Variants in RADX observed in about 807,000 individuals in gnomAD.
RADX encodes RPA-related protein RADX.
RADX carries 36 observed loss-of-function variants against 61.6 expected under a neutral mutation model. That is an observed-to-expected ratio of 0.58 (90% CI 0.45 to 0.77). The LOEUF (loss-of-function observed/expected upper bound fraction) is 0.77, where lower values mean the gene tolerates loss of function less well. Ranked by LOEUF, RADX falls within the 30% of genes least tolerant of loss-of-function variation. The pLI is 0.00. For missense variants in RADX, 497 were observed against 651.1 expected (o/e 0.76, Z 2.58); for synonymous variants, 272 against 237.9 (o/e 1.14, Z -1.32).
At chrX:106,660,837 C>T (rs1928071759) in intron 11 of RADX, among the ~76,000 whole-genome samples, 1 of 111,849 alleles carries the variant, frequency 8.9e-6, no homozygotes, top group Admixed American at 9.5e-5. Context: ...TCTCACACTG[C>T]TATAAATGAC....
At chrX:106,644,957 T>C (rs772901061) in intron 10 of RADX, among the ~76,000 whole-genome samples, 1 of 111,290 alleles carries the variant, frequency 9.0e-6, no homozygotes, top group Admixed American at 9.6e-5. Context: ...TTGTTATTGG[T>C]CTGTTCAGGT....
intron 11 of RADX, among the ~76,000 whole-genome samples, chrX:106,659,997 T>C (rs1242506543): frequency 1.8e-5 from 2 of 112,090 alleles, no homozygotes; most frequent in East Asian, 2.8e-4. Context: ...TATCACTTTT[T>C]CTTTTGCATG....
In RADX at chrX:106,670,248, A is replaced by G. The variant is rs749584541; in HGVS notation, c.2437+918A>G. On this transcript the variant is annotated intron_variant, in intron 13 of 13. Transcript: ENST00000372548. ...ATACACTTGCCGTATTACTTTCTAC[A>G]TTGGAGCTCCTTAGACTTTCAGTAA... Among the ~76,000 whole-genome samples, 23 of 110,944 alleles carry G rather than the reference A, an allele frequency of 2.1e-4. No individual in the cohort carries two copies. In the East Asian group the frequency reaches 5.9e-3, roughly 29 times the overall value.
intron 11 of RADX, among the ~76,000 whole-genome samples, chrX:106,656,517 C>G (rs1036706032): frequency 4.5e-5 from 5 of 112,118 alleles, no homozygotes; most frequent in Non-Finnish European, 9.4e-5. Flanking sequence ...CCAGATCCAT[C>G]AGAGGAATCA....
At chrX:106,663,319 A>G in intron 12 of RADX, among the ~76,000 whole-genome samples, 1 of 111,230 alleles carries the variant, frequency 9.0e-6, no homozygotes, top group Non-Finnish European at 1.9e-5. Context: ...ACATGTGAGT[A>G]TGTATGTAAT....
At chrX:106,666,200 T>C (rs773606279) in intron 12 of RADX, among the ~76,000 whole-genome samples, 4 of 112,226 alleles carry the variant, frequency 3.6e-5, no homozygotes, top group South Asian at 3.7e-4. Context: ...AAAGTTTTAA[T>C]TGAACTTACA....
chrX:106,630,352 A>C (rs375124497), intron 3 of RADX, among the ~76,000 whole-genome samples: 44 of 110,272 alleles, frequency 4.0e-4, no homozygotes, highest in African/African-American at 1.4e-3. Context: ...AAACAAAAAA[A>C]AAAAAAAACA....
chrX:106,634,879 G>A (rs1038063495), intron 6 of RADX, among the ~76,000 whole-genome samples: 5 of 111,995 alleles, frequency 4.5e-5, no homozygotes, highest in African/African-American at 1.6e-4. Flanking sequence ...AAGATTTCTC[G>A]CAGGAACTTT....
chrX:106,643,926 A>G (rs1051581596), intron 10 of RADX, among the ~76,000 whole-genome samples: 6 of 111,318 alleles, frequency 5.4e-5, no homozygotes, highest in African/African-American at 1.6e-4. Flanking sequence ...GTATTTTTCC[A>G]TTTTTGAATG....
intron 1 of RADX, among the ~76,000 whole-genome samples, chrX:106,614,328 G>T (rs763719195): frequency 1.8e-5 from 2 of 111,589 alleles, no homozygotes; most frequent in Non-Finnish European, 3.8e-5. Context: ...ACACATCTCA[G>T]GCATCTTTCA....
intron 10 of RADX, among the ~76,000 whole-genome samples, chrX:106,644,693 A>G (rs920315533): frequency 2.2e-4 from 25 of 111,126 alleles, no homozygotes; most frequent in African/African-American, 7.8e-4. Flanking sequence ...GGATTTTTGT[A>G]TCAAAATTCT....
chrX:106,612,557 A>T lies in RADX; in HGVS notation c.477A>T (p.Ser159=). Residue 159 remains serine (S), a synonymous_variant, in exon 1 of 14, where the codon TCA becomes TCT. Transcript: ENST00000372548. ...ATAACGTCCACTGTGGGGAGACTTC[A>T]GACAGTATTTCTTTAGAAACTCCCT... ...CIDNVHCGET[S]DSISLETPFR... 1 of 1,211,813 alleles carries T rather than the reference A, an allele frequency of 8.3e-7. No individual in the cohort carries two copies. Among genetic ancestry groups the T allele is most frequent in the Non-Finnish European group, 1.1e-6 (1 of 895,434 alleles).
At chrX:106,613,612 G>A (rs754713024) in intron 1 of RADX, among the ~76,000 whole-genome samples, 1 of 111,907 alleles carries the variant, frequency 8.9e-6, no homozygotes, top group East Asian at 2.8e-4. Context: ...GCTAAATCAC[G>A]GATAATCTTA....
intron 11 of RADX, among the ~76,000 whole-genome samples, chrX:106,659,351 A>G (rs759063796): frequency 8.9e-6 from 1 of 112,019 alleles, no homozygotes; most frequent in South Asian, 3.7e-4. Flanking sequence ...GCCTACGTAC[A>G]TACGTTTGAA....
chrX:106,652,662 T>G (rs974127105), intron 11 of RADX, among the ~76,000 whole-genome samples: 6 of 101,399 alleles, frequency 5.9e-5, no homozygotes, highest in African/African-American at 2.2e-4. Flanking sequence ...CCTCTTAAAA[T>G]AATAGAACAA....
chrX:106,612,419 C>G lies in RADX; in HGVS notation c.339C>G (p.Ser113Arg), dbSNP rs1272203739. The G allele has an allele frequency of 1.7e-6, 2 of 1,211,332 alleles. No homozygotes were observed. Among genetic ancestry groups the G allele is most frequent in the Middle Eastern group, 2.3e-4 (1 of 4,353 alleles). ...VYQEKCYLDPSLNSLVYQNIL... is the reference protein window; with the variant it reads ...VYQEKCYLDPRLNSLVYQNIL... ...AGGAGAAGTGCTACCTGGACCCCAG[C>G]TTGAACTCTCTCGTATATCAAAATA... Residue 113 changes from serine to arginine, a missense_variant, in exon 1 of 14, where the codon AGC (serine) becomes AGG (arginine). Transcript: ENST00000372548.
intron 3 of RADX, among the ~76,000 whole-genome samples, chrX:106,631,701 CAA>C (rs751122251): frequency 2.5e-4 from 6 of 24,265 alleles, no homozygotes; most frequent in Admixed American, 1.1e-3. Flanking sequence ...AAGGCCCTGT[CAA>C]AAAAAAAAAA....
At chrX:106,619,625 C>G (rs1319144826) in intron 1 of RADX, among the ~76,000 whole-genome samples, 1 of 111,505 alleles carries the variant, frequency 9.0e-6, no homozygotes. Context: ...GGTTAAGGAC[C>G]TAGTTTGGTT....
chrX:106,669,373 AT>A, intron 13 of RADX, 43 bp downstream of exon 13: 1 of 914,634 alleles, frequency 1.1e-6, no homozygotes, highest in South Asian at 2.4e-5. Flanking sequence ...AAAAAAAAAA[AT>A]TATAAACAGC....
Sources: allele counts gnomAD v4.1 joint callset (sites outside exome capture counted in the v4.1 genomes callset), GRCh38; gene constraint gnomAD v4.1.1; transcripts MANE v1.5; gene names NCBI Gene and HGNC (gene_info 2026-07-23, HGNC 2026-07-21).